METTL15: variants seen among roughly 807,000 people sequenced by gnomAD.
METTL15 encodes the protein 12S rRNA N(4)-cytidine methyltransferase METTL15.
METTL15 carries 34 observed loss-of-function variants against 38.3 expected under a neutral mutation model. The observed-to-expected ratio is 0.89, with a 90% CI of 0.68 to 1.18. The LOEUF is 1.18. Among genes scored for constraint, METTL15 ranks in the 50% most tolerant of loss-of-function variants. The pLI, the probability that METTL15 is intolerant of heterozygous loss-of-function variation, is 0.00. For synonymous variants in METTL15, 162 were observed against 170.9 expected (o/e 0.95, Z 0.41); for missense variants, 438 against 498.4 (o/e 0.88, Z 1.15).
At chr11:28,516,535 A>G (rs1441546746) in intron 6 of METTL15, among the ~76,000 whole-genome samples, 1 of 151,630 alleles carries the variant, frequency 6.6e-6, no homozygotes, top group Admixed American at 6.6e-5. Flanking sequence ...ACTCCATACT[A>G]CTCTTTTTTT....
intron 4 of METTL15, among the ~76,000 whole-genome samples, chr11:28,214,684 T>A (rs1002685700): frequency 6.6e-6 from 1 of 152,186 alleles, no homozygotes; most frequent in Non-Finnish European, 1.5e-5. Context: ...AAGACAAAAT[T>A]AGGATGTAAA....
intron 3 of METTL15, among the ~76,000 whole-genome samples, chr11:28,126,807 G>T (rs1226337872): frequency 1.3e-5 from 2 of 152,094 alleles, no homozygotes; most frequent in Non-Finnish European, 2.9e-5. Flanking sequence ...CATTTATCAA[G>T]TAATTATTCA....
chr11:28,326,528 ATGTTTTGTTCTTACTAC>A lies in METTL15; in HGVS notation c.779-3866_779-3850del, dbSNP rs1849639577. On this transcript the variant is annotated intron_variant, in intron 6 of 6. Transcript: ENST00000407364. ...TATCCATGTGTCCCATTGCCAGTCG[ATGTTTTGTTCTTACTAC>A]TTTAATTTCCATTATCGCGTGCCAT... Among the ~76,000 whole-genome samples, 4 of 151,828 alleles carry A rather than the reference ATGTTTTGTTCTTACTAC, an allele frequency of 2.6e-5. No homozygotes were observed. The South Asian group carries it at 8.3e-4, about 32-fold the overall frequency.
intron 4 of METTL15, among the ~76,000 whole-genome samples, chr11:28,215,084 G>A (rs1852804976): frequency 6.6e-6 from 1 of 152,170 alleles, no homozygotes; most frequent in South Asian, 2.1e-4. Context: ...AAAGTATGGA[G>A]AGCATGTAGA....
chr11:28,334,749 A>C (rs928615252), downstream of METTL15, among the ~76,000 whole-genome samples: 2 of 152,172 alleles, frequency 1.3e-5, no homozygotes, highest in Admixed American at 1.3e-4. Flanking sequence ...GAATGCTAAG[A>C]GAAAGTTTAC....
intron 6 of METTL15, among the ~76,000 whole-genome samples, chr11:28,325,054 A>G (rs145739227): frequency 6.6e-5 from 10 of 152,218 alleles, no homozygotes; most frequent in African/African-American, 2.2e-4. Context: ...GAGCGAGCCA[A>G]GCTTTGTCCT....
chr11:28,381,933 G>C (rs1040985227), intron 5 of METTL15, among the ~76,000 whole-genome samples: 16 of 151,616 alleles, frequency 1.1e-4, no homozygotes, highest in South Asian at 4.1e-4. Flanking sequence ...TTTTTGTGTG[G>C]ATGTACATTT....
At chr11:28,362,474 C>T (rs1038934060) in intron 5 of METTL15, among the ~76,000 whole-genome samples, 1 of 152,172 alleles carries the variant, frequency 6.6e-6, no homozygotes, top group Non-Finnish European at 1.5e-5. Flanking sequence ...TTCTTCAGCT[C>T]ATGCCCCAAT....
intron 3 of METTL15, among the ~76,000 whole-genome samples, 181 bp from the exon 4 acceptor site, chr11:28,210,881 T>C (rs764158032): frequency 2.0e-5 from 3 of 152,034 alleles, no homozygotes; most frequent in Non-Finnish European, 4.4e-5. Context: ...TTTAGACTTA[T>C]CACTCATAAT....
chr11:28,166,879 G>A (rs970551741), intron 3 of METTL15, among the ~76,000 whole-genome samples: 1 of 152,174 alleles, frequency 6.6e-6, no homozygotes, highest in South Asian at 2.1e-4. Flanking sequence ...AACCTGGGAG[G>A]TGGAAGCTGC....
rs578150827 is a variant in METTL15, at chr11:28,235,584, C to A, written c.407+24386C>A. On this transcript the variant is annotated intron_variant, in intron 4 of 6. Coordinates refer to ENST00000407364, the MANE Select transcript of METTL15 (RefSeq NM_001113528.2). ...TTTGAAGCAATTGTGATTGGGAGTT[C>A]ACTCATGATTTGGCTCTCTGTTTGT... Among the ~76,000 whole-genome samples the A allele has an allele frequency of 2.0e-5, 3 of 152,150 alleles. No homozygotes were observed. The South Asian group carries it at 6.2e-4, about 32-fold the overall frequency.
In METTL15 at chr11:28,352,471, C is replaced by T. The variant is rs1850050128; in HGVS notation, c.*258+313C>T. 1.3e-5 allele frequency among the ~76,000 whole-genome samples: 2 copies of T among 152,102 alleles called. 1 individual carries two copies. Among genetic ancestry groups the T allele is most frequent in the South Asian group, 4.1e-4 (2 of 4,822 alleles). On this transcript the variant is annotated intron_variant and NMD_transcript_variant, in intron 4 of 7. Transcript: ENST00000532947. The stretch of plus-strand genomic sequence containing the variant: ...GAGGGCACTCAAGGAACAGCAAAGG[C>T]TTAGAAGTATCATAAACTTCATGTG...
At position 28,224,451 on chromosome 11, in the gene METTL15, C is replaced by G. The variant is rs575526907; in HGVS notation, c.407+13253C>G. On this transcript the variant is annotated intron_variant, in intron 4 of 6. Transcript: ENST00000407364. ...TAAAATTAAAAAATGCAGGAAAGTA[C>G]TGAGAAAAAATTAAAATAATTCATA... Among the ~76,000 whole-genome samples, 10 of 151,824 alleles carry G rather than the reference C, an allele frequency of 6.6e-5. No individual in the cohort carries two copies. In the East Asian group the frequency reaches 1.9e-3, roughly 29 times the overall value.
chr11:28,330,416 A>T lies in METTL15; in HGVS notation c.799A>T (p.Ile267Phe), dbSNP rs11030280. The change falls in exon 7 of 7, where the codon ATT becomes TTT. Residue 267 changes from isoleucine (I) to phenylalanine (F), a missense_variant. Coordinates refer to ENST00000407364, the MANE Select transcript of METTL15 (RefSeq NM_001113528.2). ...IVAGAFPPSAIYTRKDLLQRS... is the reference protein window; with the variant it reads ...IVAGAFPPSAFYTRKDLLQRS... ...TTTAGGAGCATTTCCTCCCTCTGCTATTTATACACGGAAAGACTTACTACA... is the reference window on the plus strand; with the variant it reads ...TTTAGGAGCATTTCCTCCCTCTGCTTTTTATACACGGAAAGACTTACTACA... 1.5e-3 allele frequency: 2,340 copies of T among 1,547,058 alleles called. 22 individuals are homozygous for T. The African/African-American group carries it at 0.028, about 18-fold the overall frequency.
At chr11:28,475,706 C>T (rs1381341405) in intron 6 of METTL15, among the ~76,000 whole-genome samples, 2 of 152,210 alleles carry the variant, frequency 1.3e-5, no homozygotes, top group African/African-American at 4.8e-5. Flanking sequence ...CTTCTACTTA[C>T]AGCATTCCCC....
intron 3 of METTL15, among the ~76,000 whole-genome samples, chr11:28,188,311 A>C (rs1590128821): frequency 1.3e-5 from 2 of 151,318 alleles, no homozygotes; most frequent in East Asian, 3.9e-4. Context: ...TCTTAAACCA[A>C]GGCATATATA....
intron 3 of METTL15, among the ~76,000 whole-genome samples, chr11:28,351,538 A>G (rs1331755358): frequency 6.6e-6 from 1 of 152,230 alleles, no homozygotes; most frequent in African/African-American, 2.4e-5. Context: ...TGGGAAGTCA[A>G]TGAGTTAATT....
At chr11:28,144,123 T>C (rs1590804279) in intron 3 of METTL15, among the ~76,000 whole-genome samples, 1 of 152,296 alleles carries the variant, frequency 6.6e-6, no homozygotes, top group African/African-American at 2.4e-5. Context: ...AAGTGTAATC[T>C]TTTATGTAGT....
At chr11:28,246,170 A>T (rs1423554998) in intron 4 of METTL15, among the ~76,000 whole-genome samples, 2 of 152,204 alleles carry the variant, frequency 1.3e-5, no homozygotes, top group African/African-American at 4.8e-5. Flanking sequence ...TACATTTCAA[A>T]ATAGCTAGAA....
Sources: allele counts gnomAD v4.1 joint callset (sites outside exome capture counted in the v4.1 genomes callset), GRCh38; gene constraint gnomAD v4.1.1; transcripts MANE v1.5; gene names NCBI Gene and HGNC (gene_info 2026-07-23, HGNC 2026-07-21).